CNTN3: variants seen among roughly 807,000 people sequenced by gnomAD.
CNTN3 encodes contactin-3.
A neutral mutation model predicts 119.1 loss-of-function variants in CNTN3; 60 were observed. The ratio of observed to expected loss-of-function variants is 0.50; its 90% CI spans 0.41 to 0.62. The LOEUF (loss-of-function observed/expected upper bound fraction) is 0.62. CNTN3 is among the 20% of genes least tolerant of loss of function. The probability of loss-of-function intolerance (pLI) is 0.00; values close to 1 mark genes in which losing one functional copy is unlikely to be tolerated. For missense variants in CNTN3, 1,101 were observed against 1,242.4 expected (o/e 0.89, Z 1.71); for synonymous variants, 450 against 438.7 (o/e 1.03, Z -0.32).
intron 1 of CNTN3, among the ~76,000 whole-genome samples, chr3:74,603,696 C>T (rs910366235): frequency 3.9e-5 from 6 of 151,992 alleles, no homozygotes; most frequent in South Asian, 2.1e-4. Context: ...AGATATCCTA[C>T]GTTTATGGAC....
chr3:74,321,395 T>C (rs1702985341), intron 13 of CNTN3, among the ~76,000 whole-genome samples: 1 of 152,080 alleles, frequency 6.6e-6, no homozygotes, highest in Non-Finnish European at 1.5e-5. Context: ...TCATAATTTG[T>C]AGAATATAGT....
At chr3:74,313,479 A>G (rs932747459) in intron 13 of CNTN3, among the ~76,000 whole-genome samples, 4 of 152,234 alleles carry the variant, frequency 2.6e-5, no homozygotes, top group Non-Finnish European at 4.4e-5. Context: ...AAATTTTAAA[A>G]AACACTTTTT....
At chr3:74,492,123 T>C (rs908677045) in intron 3 of CNTN3, among the ~76,000 whole-genome samples, 3 of 152,196 alleles carry the variant, frequency 2.0e-5, no homozygotes, top group African/African-American at 2.4e-5. Flanking sequence ...ACAAGTTCAG[T>C]GTCAGCCTTC....
At chr3:74,519,371 G>A (rs1183501293) in intron 2 of CNTN3, among the ~76,000 whole-genome samples, 3 of 151,522 alleles carry the variant, frequency 2.0e-5, no homozygotes, top group African/African-American at 7.3e-5. Flanking sequence ...CTATATATTT[G>A]TTCGTAAATA....
At chr3:74,285,145 AGGGTTTTGGAGTT>A (rs1021306555) in intron 20 of CNTN3, among the ~76,000 whole-genome samples, 147 bp downstream of exon 20, 6 of 152,280 alleles carry the variant, frequency 3.9e-5, no homozygotes, top group African/African-American at 1.2e-4. Context: ...CATGAGGACA[AGGGTTTTGGAGTT>A]GGGTTTTGGA....
chr3:74,519,476 C>T (rs1384468415), intron 2 of CNTN3, among the ~76,000 whole-genome samples: 1 of 151,732 alleles, frequency 6.6e-6, no homozygotes, highest in Admixed American at 6.6e-5. Flanking sequence ...AAGCTGATCT[C>T]ATTTTCTTTT....
chr3:74,270,883 T>TA (rs1194287317), intron 20 of CNTN3, among the ~76,000 whole-genome samples: 1 of 152,168 alleles, frequency 6.6e-6, no homozygotes, highest in East Asian at 1.9e-4. Flanking sequence ...AAAAAACTGG[T>TA]AAAAAACTAA....
chr3:74,578,822 G>A (rs1458342924), intron 1 of CNTN3, among the ~76,000 whole-genome samples: 1 of 151,880 alleles, frequency 6.6e-6, no homozygotes, highest in Non-Finnish European at 1.5e-5. Flanking sequence ...ATGAACTCAC[G>A]TTCCCTGAAA....
At chr3:74,467,845 C>T (rs542861066) in intron 4 of CNTN3, among the ~76,000 whole-genome samples, 1 of 152,262 alleles carries the variant, frequency 6.6e-6, no homozygotes, top group African/African-American at 2.4e-5. Context: ...TAAAGGAACA[C>T]TCCTACAGTG....
chr3:74,550,042 C>A (rs1019760704), intron 1 of CNTN3, among the ~76,000 whole-genome samples: 1 of 152,130 alleles, frequency 6.6e-6, no homozygotes, highest in African/African-American at 2.4e-5. Flanking sequence ...GTCAGATACA[C>A]CAAGTCATAA....
chr3:74,441,748 T>C (rs1453238678), intron 4 of CNTN3, among the ~76,000 whole-genome samples: 2 of 152,170 alleles, frequency 1.3e-5, no homozygotes, highest in Non-Finnish European at 2.9e-5. Context: ...TTTGGCCCTG[T>C]TTGTTTATTG....
intron 20 of CNTN3, among the ~76,000 whole-genome samples, chr3:74,284,003 G>T (rs1702063329): frequency 6.6e-6 from 1 of 151,964 alleles, no homozygotes; most frequent in Non-Finnish European, 1.5e-5. Context: ...TTTGTGCTCT[G>T]CAATGCTCAT....
chr3:74,595,665 A>C (rs1233194991), intron 1 of CNTN3, among the ~76,000 whole-genome samples: 1 of 152,144 alleles, frequency 6.6e-6, no homozygotes, highest in Non-Finnish European at 1.5e-5. Context: ...ACTCTCAATA[A>C]ATTAGGTATT....
chr3:74,371,097 C>G (rs1704326684), intron 6 of CNTN3, 99 bp downstream of exon 6: 7 of 805,022 alleles, frequency 8.7e-6, no homozygotes, highest in South Asian at 6.8e-5. Flanking sequence ...CATGAAGTGA[C>G]AATTCTTCTA....
chr3:74,564,903 C>T (rs1704204823), intron 1 of CNTN3, among the ~76,000 whole-genome samples: 1 of 152,010 alleles, frequency 6.6e-6, no homozygotes, highest in African/African-American at 2.4e-5. Flanking sequence ...TGTTAGAGAA[C>T]AGGCTGGTAC....
chr3:74,590,577 T>C (rs1255874958), intron 1 of CNTN3, among the ~76,000 whole-genome samples: 1 of 151,970 alleles, frequency 6.6e-6, no homozygotes, highest in Non-Finnish European at 1.5e-5. Flanking sequence ...AGTTGACTCA[T>C]TGATTGGGGA....
intron 4 of CNTN3, among the ~76,000 whole-genome samples, chr3:74,463,159 C>G (rs1702402772): frequency 6.6e-6 from 1 of 152,158 alleles, no homozygotes; most frequent in African/African-American, 2.4e-5. Flanking sequence ...TCTGTAACAA[C>G]ACTGAGCCAT....
chr3:74,343,334 G>A (rs1559555600), intron 11 of CNTN3, among the ~76,000 whole-genome samples: 1 of 152,286 alleles, frequency 6.6e-6, no homozygotes, highest in East Asian at 1.9e-4. Context: ...AGAGAAAGAA[G>A]GGGAAAAGTT....
chr3:74,555,074 T>A (rs1169181443), intron 1 of CNTN3, among the ~76,000 whole-genome samples: 1 of 152,206 alleles, frequency 6.6e-6, no homozygotes, highest in African/African-American at 2.4e-5. Flanking sequence ...CTTATTATAT[T>A]GAGATACGTT....
Sources: allele counts gnomAD v4.1 joint callset (sites outside exome capture counted in the v4.1 genomes callset), GRCh38; gene constraint gnomAD v4.1.1; transcripts MANE v1.5; gene names NCBI Gene and HGNC (gene_info 2026-07-23, HGNC 2026-07-21).